ATAD2B: variants seen among roughly 807,000 people sequenced by gnomAD.
ATAD2B encodes ATPase family AAA domain containing 2B.
Under a neutral mutation model 167.6 loss-of-function variants are expected in ATAD2B, and 40 were observed. That is an observed-to-expected ratio of 0.24 (90% confidence interval 0.19 to 0.31). The LOEUF (loss-of-function observed/expected upper bound fraction) is 0.31. Ranked by LOEUF, ATAD2B falls within the 10% of genes least tolerant of loss-of-function variation. The probability of loss-of-function intolerance (pLI) is 1.00; values close to 1 mark genes in which losing one functional copy is unlikely to be tolerated. For synonymous variants in ATAD2B, 579 were observed against 596.5 expected, an observed-to-expected ratio of 0.97 and a Z score of 0.43; for missense variants, 1,242 against 1,757.2, an observed-to-expected ratio of 0.71 and a Z score of 5.24.
the ATAD2B span, among the ~76,000 whole-genome samples, chr2:23,740,710 G>C: frequency 6.6e-6 from 1 of 152,160 alleles, no homozygotes; most frequent in Admixed American, 6.5e-5. Flanking sequence ...AGGGCAGTCA[G>C]GCAGGAGAAG....
chr2:23,840,983 T>G (rs1239420193), intron 13 of ATAD2B, among the ~76,000 whole-genome samples: 1 of 152,224 alleles, frequency 6.6e-6, no homozygotes, highest in African/African-American at 2.4e-5. Context: ...CATGGTTCAC[T>G]GCAGCCTCGA....
intron 10 of ATAD2B, 66 bp downstream of exon 10, chr2:23,867,769 C>T (rs1255703983): frequency 1.7e-6 from 2 of 1,153,872 alleles, no homozygotes; most frequent in Middle Eastern, 2.0e-4. Flanking sequence ...CTATGTGCTG[C>T]TTTAGAAACA....
rs1354326327 is a variant in ATAD2B, at chr2:23,926,703, G to A, written c.68C>T (p.Pro23Leu). The change falls in exon 1 of 28, where the codon CCT (proline) becomes CTT (leucine). Residue 23 changes from proline to leucine, a missense_variant. Pro to Leu is a moderately conservative substitution (Grantham distance 98). This residue lies in a region of ATAD2B where 199 missense variants were observed against 194.9 expected (regional missense o/e 1.02). Coordinates refer to ENST00000238789, the MANE Select transcript of ATAD2B (RefSeq NM_017552.4). ...GSKSPGPGPGPGAGAEPGATG... is the reference protein window; with the variant it reads ...GSKSPGPGPGLGAGAEPGATG... ...CGCCCCAGGCTCTGCTCCGGCCCCA[G>A]GCCCAGGCCCGGGACCAGGAGACTT... 4.5e-6 allele frequency: 7 copies of A among 1,550,496 alleles called. No individual in the cohort carries two copies. Among genetic ancestry groups the A allele is most frequent in the Non-Finnish European group, 6.1e-6 (7 of 1,147,398 alleles).
At chr2:23,869,283 C>T (rs1695580234) in intron 9 of ATAD2B, among the ~76,000 whole-genome samples, 1 of 152,098 alleles carries the variant, frequency 6.6e-6, no homozygotes, top group Admixed American at 6.6e-5. Context: ...TGAGATAATT[C>T]TATTAGAAAC....
intron 17 of ATAD2B, among the ~76,000 whole-genome samples, chr2:23,813,041 A>C (rs1175689796): frequency 6.6e-6 from 1 of 152,052 alleles, no homozygotes; most frequent in Admixed American, 6.6e-5. Context: ...GAAGAGTTCA[A>C]ATTGTCATTC....
chr2:23,768,391 C>T (rs1163908334), intron 22 of ATAD2B, among the ~76,000 whole-genome samples: 1 of 151,926 alleles, frequency 6.6e-6, no homozygotes, highest in African/African-American at 2.4e-5. Flanking sequence ...ATTCCCATTA[C>T]CTGCTCCACC....
intron 24 of ATAD2B, among the ~76,000 whole-genome samples, chr2:23,758,881 A>G (rs553303077): frequency 2.9e-4 from 44 of 152,326 alleles, no homozygotes; most frequent in African/African-American, 9.1e-4. Flanking sequence ...TGTAAGGACT[A>G]TACTCTTAGA....
intron 8 of ATAD2B, among the ~76,000 whole-genome samples, 180 bp from the exon 9 acceptor site, chr2:23,869,941 A>G (rs1695674953): frequency 6.6e-6 from 1 of 152,090 alleles, no homozygotes; most frequent in South Asian, 2.1e-4. Flanking sequence ...GAAAAAGAAA[A>G]AAAAAGGCCT....
chr2:23,715,302 C>T, the ATAD2B span, among the ~76,000 whole-genome samples: 2 of 152,102 alleles, frequency 1.3e-5, no homozygotes, highest in African/African-American at 4.8e-5. Flanking sequence ...AGGCCAGGCA[C>T]GGTGGCTCAC....
chr2:23,701,053 C>T, the ATAD2B span, among the ~76,000 whole-genome samples: 1 of 152,190 alleles, frequency 6.6e-6, no homozygotes. Context: ...TGCTGCACAT[C>T]TCCAATCTGT....
At chr2:23,825,102 C>T (rs950212603) in intron 15 of ATAD2B, among the ~76,000 whole-genome samples, 1 of 142,132 alleles carries the variant, frequency 7.0e-6, no homozygotes, top group East Asian at 2.2e-4. Context: ...GCCATCACAT[C>T]AGGCTAATTT....
intron 23 of ATAD2B, among the ~76,000 whole-genome samples, chr2:23,762,840 A>T (rs2149323723): frequency 6.6e-6 from 1 of 152,278 alleles, no homozygotes; most frequent in East Asian, 1.9e-4. Flanking sequence ...TTTCTTCACT[A>T]GAGATTTATT....
intron 22 of ATAD2B, 30 bp from the exon 23 acceptor site, chr2:23,765,658 T>C (rs1013050711): frequency 2.6e-5 from 33 of 1,253,364 alleles, no homozygotes; most frequent in Admixed American, 1.4e-4. Flanking sequence ...ATATTTATTA[T>C]AGAAACAAAT....
Position 23,863,572 on chromosome 2 carries a change from A to C in ATAD2B, c.1305-17T>G. ...AAACAGCCCCTAGAAGAATAAAAAA[A>C]TCAAGAAGTGTAAATTATATTATCA... On this transcript the variant is annotated splice_polypyrimidine_tract_variant and intron_variant, in intron 11 of 27. Coordinates refer to ENST00000238789, the MANE Select transcript of ATAD2B (RefSeq NM_017552.4). The C allele has an allele frequency of 2.6e-6, 4 of 1,535,422 alleles. No homozygotes were observed. The highest frequency in any genetic ancestry group is 3.5e-6 in the Non-Finnish European group (4 of 1,144,224).
intron 15 of ATAD2B, chr2:23,827,795 C>G (rs1426070367): frequency 6.6e-6 from 1 of 152,658 alleles, no homozygotes; most frequent in African/African-American, 2.4e-5. Context: ...GTTTTCTCCT[C>G]ACCAGAAGAT....
chr2:23,727,829 A>G, the ATAD2B span, among the ~76,000 whole-genome samples: 1 of 152,248 alleles, frequency 6.6e-6, no homozygotes, highest in Non-Finnish European at 1.5e-5. Flanking sequence ...TACATACTCT[A>G]TGATTCTAAC....
chr2:23,703,298 G>A, the ATAD2B span: 3 of 1,548,618 alleles, frequency 1.9e-6, no homozygotes, highest in Non-Finnish European at 2.6e-6. Flanking sequence ...TGGGGTGAAC[G>A]AGGCAGGCCG....
At chr2:23,728,822 T>C in the ATAD2B span, among the ~76,000 whole-genome samples, 1 of 152,236 alleles carries the variant, frequency 6.6e-6, no homozygotes, top group East Asian at 1.9e-4. Flanking sequence ...TAATTCTCCT[T>C]GTTGAAGAAG....
intron 1 of ATAD2B, among the ~76,000 whole-genome samples, chr2:23,904,858 A>T (rs1422209412): frequency 6.6e-6 from 1 of 152,192 alleles, no homozygotes. Context: ...AAAGGAATGC[A>T]CAGAGGCAGT....
Sources: allele counts gnomAD v4.1 joint callset (sites outside exome capture counted in the v4.1 genomes callset), GRCh38; gene constraint gnomAD v4.1.1; regional missense constraint gnomAD v4.1.1; transcripts MANE v1.5; gene names NCBI Gene and HGNC (gene_info 2026-07-23, HGNC 2026-07-21).